The following CTNNAL1 variants were observed in gnomAD, a reference collection of about 807,000 sequenced individuals.
CTNNAL1 encodes catenin alpha like 1, also known as alpha-catulin.
CTNNAL1 carries 69 observed loss-of-function variants against 93.6 expected under a neutral mutation model. The observed-to-expected ratio is 0.74, with a 90% confidence interval of 0.61 to 0.90. The LOEUF (loss-of-function observed/expected upper bound fraction) is 0.90, where lower values mean the gene tolerates loss of function less well. Ranked by LOEUF, CTNNAL1 falls within the 40% of genes least tolerant of loss-of-function variation. The probability of loss-of-function intolerance (pLI) is 0.00; values close to 1 mark genes in which losing one functional copy is unlikely to be tolerated. For missense variants in CTNNAL1, 836 were observed against 862.0 expected (o/e 0.97, Z 0.38); for synonymous variants, 286 against 305.4 (o/e 0.94, Z 0.66).
At chr9:108,965,273 C>A in intron 11 of CTNNAL1, 105 bp downstream of exon 11, 1 of 939,370 alleles carries the variant, frequency 1.1e-6, no homozygotes. Flanking sequence ...AATAACCCAG[C>A]TGGGTTACGA....
intron 2 of CTNNAL1, among the ~76,000 whole-genome samples, chr9:108,995,113 G>T (rs1831969171): frequency 6.6e-6 from 1 of 152,198 alleles, no homozygotes; most frequent in Non-Finnish European, 1.5e-5. Flanking sequence ...AATGTTTGTG[G>T]TTTTAAGTTG....
intron 10 of CTNNAL1, among the ~76,000 whole-genome samples, chr9:108,967,945 T>A (rs891383844): frequency 6.6e-6 from 1 of 152,246 alleles, no homozygotes; most frequent in Non-Finnish European, 1.5e-5. Flanking sequence ...AGGGCCATGT[T>A]AGCTAATATA....
chr9:108,976,875 T>C, intron 8 of CTNNAL1, 87 bp downstream of exon 8: 1 of 536,492 alleles, frequency 1.9e-6, no homozygotes. Flanking sequence ...CACAGAGACA[T>C]ACTAATAATA....
Position 109,008,729 on chromosome 9 carries a change from C to T in CTNNAL1, c.141+4573G>A, listed in dbSNP as rs145153307. Among the ~76,000 whole-genome samples the T allele has an allele frequency of 1.6e-4, 24 of 152,014 alleles. No individual in the cohort carries two copies. In the East Asian group the frequency reaches 4.2e-3, roughly 27 times the overall value. Reference sequence around the variant, plus strand: ...CCTCTTCTGTGAAATTATTTTTTGACCAATTTTTAATGGCTAATCTTTTTA... The same window carrying T: ...CCTCTTCTGTGAAATTATTTTTTGATCAATTTTTAATGGCTAATCTTTTTA... On this transcript the variant is annotated intron_variant, in intron 1 of 18. Coordinates refer to ENST00000325551, the MANE Select transcript of CTNNAL1 (RefSeq NM_003798.4).
chr9:108,942,932 A>G lies in CTNNAL1; in HGVS notation c.2139+29T>C, dbSNP rs767058649. On this transcript the variant is annotated intron_variant, in intron 18 of 18. Coordinates refer to ENST00000325551, the MANE Select transcript of CTNNAL1 (RefSeq NM_003798.4). ...TTTCTTTTAAACCATTTTTTAAAGTATGAGTCTAAAATAGAAAAACTACCT... is the reference window on the plus strand; with the variant it reads ...TTTCTTTTAAACCATTTTTTAAAGTGTGAGTCTAAAATAGAAAAACTACCT... The G allele has an allele frequency of 1.2e-6, 2 of 1,610,504 alleles. 1 individual carries two copies. The highest frequency in any genetic ancestry group is 2.2e-5 in the South Asian group (2 of 90,346).
At chr9:108,950,142 AT>A (rs1372248597) in intron 14 of CTNNAL1, among the ~76,000 whole-genome samples, 2 of 152,150 alleles carry the variant, frequency 1.3e-5, no homozygotes, top group Admixed American at 6.5e-5. Context: ...AGTCAAAAAC[AT>A]TTTTTAAAAG....
At chr9:108,986,309 A>G (rs1215166461) in intron 4 of CTNNAL1, among the ~76,000 whole-genome samples, 3 of 150,608 alleles carry the variant, frequency 2.0e-5, no homozygotes, top group Non-Finnish European at 4.4e-5. Flanking sequence ...TAGTTTACTG[A>G]GAATGATGAT....
intron 4 of CTNNAL1, among the ~76,000 whole-genome samples, chr9:108,986,477 A>T (rs1097966): frequency 6.6e-6 from 1 of 150,716 alleles, no homozygotes; most frequent in African/African-American, 2.4e-5. Flanking sequence ...GAATAGTGCC[A>T]CAATAAACAT....
intron 5 of CTNNAL1, among the ~76,000 whole-genome samples, chr9:108,983,754 C>T (rs549403794): frequency 2.6e-5 from 4 of 152,282 alleles, no homozygotes; most frequent in African/African-American, 4.8e-5. Flanking sequence ...GTGGGTTCCA[C>T]GAAGTCTGTT....
At chr9:109,001,172 C>CAAAAAA (rs757020475) in intron 1 of CTNNAL1, among the ~76,000 whole-genome samples, 4 of 56,778 alleles carry the variant, frequency 7.0e-5, no homozygotes, top group Non-Finnish European at 6.6e-5. Context: ...ACTCCATCTC[C>CAAAAAA]AAAAAAAAAA....
intron 12 of CTNNAL1, 91 bp downstream of exon 12, chr9:108,955,699 T>C (rs1488539738): frequency 7.2e-6 from 8 of 1,107,472 alleles, no homozygotes; most frequent in South Asian, 6.8e-5. Flanking sequence ...TGTCAATTAT[T>C]TGTGGTAGAG....
At chr9:108,947,939 A>G (rs1830451978) in intron 15 of CTNNAL1, among the ~76,000 whole-genome samples, 1 of 152,226 alleles carries the variant, frequency 6.6e-6, no homozygotes, top group Admixed American at 6.5e-5. Flanking sequence ...GCATCTATTG[A>G]CTACCAACAA....
intron 5 of CTNNAL1, 98 bp from the exon 6 acceptor site, chr9:108,983,413 T>C: frequency 7.9e-7 from 1 of 1,270,082 alleles, no homozygotes; most frequent in Non-Finnish European, 1.0e-6. Flanking sequence ...AAATGGTTCT[T>C]TACCAAAATC....
At chr9:109,004,525 C>G (rs532250056) in intron 1 of CTNNAL1, among the ~76,000 whole-genome samples, 2 of 152,264 alleles carry the variant, frequency 1.3e-5, no homozygotes, top group South Asian at 2.1e-4. Context: ...CAGTGGCTCA[C>G]ACTTGTAATC....
intron 2 of CTNNAL1, among the ~76,000 whole-genome samples, chr9:108,998,675 C>T (rs570632315): frequency 9.8e-5 from 15 of 152,314 alleles, no homozygotes; most frequent in South Asian, 6.2e-4. Context: ...AACTGTGAAC[C>T]ATCATGAAGT....
At chr9:108,975,517 C>T (rs575903064) in intron 8 of CTNNAL1, among the ~76,000 whole-genome samples, 5 of 152,190 alleles carry the variant, frequency 3.3e-5, no homozygotes, top group Non-Finnish European at 7.4e-5. Context: ...CAAAAATCAA[C>T]AACAGCTACG....
At chr9:108,972,863 G>GCCCT in intron 8 of CTNNAL1, 30 bp from the exon 9 acceptor site, 1 of 231,688 alleles carries the variant, frequency 4.3e-6, no homozygotes. Context: ...TGGGGGGGTG[G>GCCCT]GAGGGTGGAG....
At chr9:108,980,034 C>A (rs1212414300) in intron 6 of CTNNAL1, among the ~76,000 whole-genome samples, 1 of 152,204 alleles carries the variant, frequency 6.6e-6, no homozygotes, top group African/African-American at 2.4e-5. Flanking sequence ...ACCCAAACAT[C>A]CTCTACCAGA....
chr9:109,011,927 C>T (rs932280223), intron 1 of CTNNAL1, among the ~76,000 whole-genome samples: 4 of 152,226 alleles, frequency 2.6e-5, no homozygotes, highest in African/African-American at 9.7e-5. Context: ...CCATCACTCT[C>T]TTATCTCTCT....
Sources: allele counts gnomAD v4.1 joint callset (sites outside exome capture counted in the v4.1 genomes callset), GRCh38; gene constraint gnomAD v4.1.1; transcripts MANE v1.5; gene names NCBI Gene and HGNC (gene_info 2026-07-23, HGNC 2026-07-21).